The following CBL variants were observed in gnomAD, a reference collection of about 807,000 sequenced individuals.
The protein encoded by CBL is Cbl proto-oncogene, also known as E3 ubiquitin-protein ligase CBL.
In CBL, 45 loss-of-function variants were observed where a neutral mutation model predicts 96.9. The observed-to-expected ratio is 0.46, with a 90% CI of 0.37 to 0.60. The LOEUF (loss-of-function observed/expected upper bound fraction) is 0.60, where lower values mean the gene tolerates loss of function less well. Among genes scored for constraint, CBL ranks in the 20% least tolerant of loss-of-function variants. CBL has a pLI of 0.00. For missense variants in CBL, 1,024 were observed against 1,143.5 expected (o/e 0.90, Z 1.51); for synonymous variants, 420 against 426.8 (o/e 0.98, Z 0.20).
intron 2 of CBL, among the ~76,000 whole-genome samples, chr11:119,242,595 C>A (rs1486547080): frequency 6.7e-6 from 1 of 148,510 alleles, no homozygotes; most frequent in East Asian, 2.0e-4. Context: ...GACCCTGTCT[C>A]TACAAAAAAT....
chr11:119,208,168 C>T (rs1280614369), intron 1 of CBL, among the ~76,000 whole-genome samples: 4 of 151,934 alleles, frequency 2.6e-5, no homozygotes, highest in Non-Finnish European at 2.9e-5. Flanking sequence ...GTGTCGACTC[C>T]TTTAAAAAAA....
intron 5 of CBL, 41 bp downstream of exon 5, chr11:119,274,994 C>CA (rs771295995): frequency 1.3e-6 from 2 of 1,584,188 alleles, no homozygotes; most frequent in African/African-American, 1.4e-5. Context: ...TTCTGAATTT[C>CA]GTTATCTTGA....
intron 1 of CBL, among the ~76,000 whole-genome samples, chr11:119,219,059 A>G (rs1949386405): frequency 6.6e-6 from 1 of 152,112 alleles, no homozygotes; most frequent in South Asian, 2.1e-4. Context: ...TTATTTTAAA[A>G]AAAAATTTTG....
rs56753854 is a variant in CBL, at chr11:119,256,686, GTT to G, written c.444-15035_444-15034del. 1.3e-3 allele frequency among the ~76,000 whole-genome samples: 171 copies of G among 134,794 alleles called. 1 individual carries two copies. Among genetic ancestry groups the G allele is most frequent in the African/African-American group, 3.1e-3 (106 of 34,736 alleles). 88.4% of individuals were successfully genotyped at this position (134,794 alleles called of 152,430 possible). On this transcript the variant is annotated intron_variant, in intron 2 of 15. Coordinates refer to ENST00000264033, the MANE Select transcript of CBL (RefSeq NM_005188.4). ...GTACATTGTACCCAGTATGTAGTTTGTTTTTTTTTTTTTTTAATCCCTCCCTG... is the reference window on the plus strand; with the variant it reads ...GTACATTGTACCCAGTATGTAGTTTGTTTTTTTTTTTTTAATCCCTCCCTG...
chr11:119,279,651 CATAA>C (rs1187729989), intron 9 of CBL, among the ~76,000 whole-genome samples: 3 of 152,082 alleles, frequency 2.0e-5, no homozygotes, highest in Non-Finnish European at 4.4e-5. Flanking sequence ...GACCCTGTCT[CATAA>C]ATAAATAGTA....
chr11:119,294,796 GA>G (rs11415377), intron 12 of CBL, among the ~76,000 whole-genome samples: 32 of 144,038 alleles, frequency 2.2e-4, no homozygotes, highest in Non-Finnish European at 2.1e-4. Flanking sequence ...TCTCAAAAAG[GA>G]AAAAAAAAAA....
intron 1 of CBL, among the ~76,000 whole-genome samples, chr11:119,228,047 C>G (rs1243675656): frequency 6.6e-6 from 1 of 151,824 alleles, no homozygotes; most frequent in Non-Finnish European, 1.5e-5. Flanking sequence ...CTGTCTGAAC[C>G]TATGCTCACT....
chr11:119,261,774 G>GA (rs1949756186), intron 2 of CBL, among the ~76,000 whole-genome samples: 1 of 152,194 alleles, frequency 6.6e-6, no homozygotes, highest in African/African-American at 2.4e-5. Flanking sequence ...GAAATACAGA[G>GA]AAATCTGATT....
intron 2 of CBL, among the ~76,000 whole-genome samples, chr11:119,268,909 G>T (rs1313181471): frequency 1.3e-5 from 2 of 152,160 alleles, no homozygotes; most frequent in African/African-American, 4.8e-5. Flanking sequence ...CTGCTATACT[G>T]TTCAGCGTAG....
chr11:119,237,233 TA>T (rs1225594581), intron 2 of CBL, among the ~76,000 whole-genome samples: 2 of 152,248 alleles, frequency 1.3e-5, no homozygotes, highest in East Asian at 3.8e-4. Context: ...GAGAAACATC[TA>T]TTCAAATCCT....
At chr11:119,287,601 A>T (rs534730954) in intron 11 of CBL, among the ~76,000 whole-genome samples, 1 of 151,914 alleles carries the variant, frequency 6.6e-6, no homozygotes, top group Non-Finnish European at 1.5e-5. Flanking sequence ...AATTTACTCA[A>T]ATCTTTTTAG....
intron 2 of CBL, among the ~76,000 whole-genome samples, chr11:119,259,507 G>A (rs563827353): frequency 5.9e-5 from 9 of 152,138 alleles, no homozygotes; most frequent in African/African-American, 2.2e-4. Context: ...CTAAATTTAT[G>A]TGAATTTAGT....
Position 119,283,625 on chromosome 11 carries a change from C to CTTTTTT in CBL, c.1432-1319_1432-1314dup, listed in dbSNP as rs398017760. On this transcript the variant is annotated intron_variant, in intron 9 of 15. Coordinates refer to ENST00000264033, the MANE Select transcript of CBL (RefSeq NM_005188.4). ...AAATATTAATCCTTTTTAATTCTTT[C>CTTTTTT]TTTTTTTTTTTTTTTTTTTTTTTTT... Among the ~76,000 whole-genome samples the CTTTTTT allele has an allele frequency of 2.4e-3, 111 of 45,538 alleles. 6 individuals carry two copies. The highest frequency in any genetic ancestry group is 2.9e-3 in the Non-Finnish European group (71 of 24,536). 29.9% of individuals were successfully genotyped at this position (45,538 alleles called of 152,430 possible). A position where few individuals can be genotyped will look rare whatever the true frequency, so the allele number is the denominator to read the frequency against.
intron 1 of CBL, among the ~76,000 whole-genome samples, chr11:119,223,195 T>G: frequency 7.1e-6 from 1 of 141,296 alleles, no homozygotes. Flanking sequence ...TTTTTTTTTT[T>G]TTTTTTTTTT....
At chr11:119,294,747 C>T (rs958645275) in intron 12 of CBL, among the ~76,000 whole-genome samples, 3 of 151,244 alleles carry the variant, frequency 2.0e-5, no homozygotes, top group Non-Finnish European at 4.4e-5. Context: ...GCCTAGATCA[C>T]GCCGCTGCAC....
At chr11:119,217,515 A>G (rs777077091) in intron 1 of CBL, among the ~76,000 whole-genome samples, 8 of 152,198 alleles carry the variant, frequency 5.3e-5, no homozygotes, top group Admixed American at 1.3e-4. Context: ...ATTCAGATCA[A>G]TTCAGGGGAT....
rs1214976426 is a variant in CBL, at chr11:119,256,586, A to G, written c.444-15149A>G. 2.0e-5 allele frequency among the ~76,000 whole-genome samples: 3 copies of G among 151,984 alleles called. No homozygotes were observed. In the South Asian group the frequency reaches 6.2e-4, roughly 32 times the overall value. The stretch of plus-strand genomic sequence containing the variant: ...TAAAAATTTCAGTAACTTTAGGGAT[A>G]CAGGTGGGTTTTGATTATATGAATG... On this transcript the variant is annotated intron_variant, in intron 2 of 15. Transcript: ENST00000264033.
intron 2 of CBL, among the ~76,000 whole-genome samples, chr11:119,270,275 C>T (rs1342904046): frequency 1.9e-4 from 21 of 108,958 alleles, no homozygotes; most frequent in Non-Finnish European, 3.0e-4. Flanking sequence ...GGTGGAGTTT[C>T]GCTCTGTTGC....
intron 2 of CBL, among the ~76,000 whole-genome samples, chr11:119,255,411 G>A (rs1949704379): frequency 1.3e-5 from 2 of 152,114 alleles, no homozygotes; most frequent in African/African-American, 4.8e-5. Flanking sequence ...GAGATAAAAA[G>A]CTGTTGGCAC....
Sources: gnomAD v4.1 joint callset for allele counts (sites outside exome capture counted in the v4.1 genomes callset) on GRCh38, gnomAD v4.1.1 for gene constraint, MANE v1.5 for transcripts, NCBI Gene and HGNC (gene_info 2026-07-23, HGNC 2026-07-21) for gene names.